GMDS: variants seen among roughly 807,000 people sequenced by gnomAD.
GMDS encodes GDP-mannose 4,6 dehydratase.
Under a neutral mutation model 49.9 loss-of-function variants are expected in GMDS, and 20 were observed. That is an observed-to-expected ratio of 0.40 (90% CI 0.28 to 0.58). GMDS has a LOEUF of 0.58. GMDS is among the 20% of genes least tolerant of loss of function. GMDS has a pLI of 0.42. For missense variants in GMDS, 362 were observed against 481.4 expected, an observed-to-expected ratio of 0.75 and a Z score of 2.32; for synonymous variants, 177 against 178.6, an observed-to-expected ratio of 0.99 and a Z score of 0.07.
At chr6:1,670,217 G>A (rs184909111) in intron 9 of GMDS, among the ~76,000 whole-genome samples, 3 of 152,162 alleles carry the variant, frequency 2.0e-5, no homozygotes, top group Non-Finnish European at 4.4e-5. Flanking sequence ...CCGGGACAAG[G>A]GGGTGAGAGG....
intron 9 of GMDS, among the ~76,000 whole-genome samples, chr6:1,714,209 G>T (rs115672353): frequency 6.6e-6 from 1 of 152,042 alleles, no homozygotes; most frequent in African/African-American, 2.4e-5. Context: ...TAGTACAGAC[G>T]GGATTTCACT....
At chr6:1,821,409 G>GGA (rs1332215272) in intron 7 of GMDS, among the ~76,000 whole-genome samples, 1 of 149,400 alleles carries the variant, frequency 6.7e-6, no homozygotes, top group Non-Finnish European at 1.5e-5. Flanking sequence ...GTGGGCTTTA[G>GGA]GGAGCAAACT....
chr6:1,753,724 G>A (rs139121696), intron 7 of GMDS, among the ~76,000 whole-genome samples: 4 of 152,198 alleles, frequency 2.6e-5, no homozygotes, highest in Non-Finnish European at 4.4e-5. Flanking sequence ...TCAGGATTAA[G>A]AAACGCACTC....
chr6:2,203,816 T>C (rs552720783), intron 1 of GMDS, among the ~76,000 whole-genome samples: 76 of 152,296 alleles, frequency 5.0e-4, no homozygotes, highest in African/African-American at 1.7e-3. Context: ...AGGTGAAACA[T>C]CATCGCAATA....
chr6:1,650,903 C>A (rs2113212174), intron 9 of GMDS, among the ~76,000 whole-genome samples: 1 of 152,298 alleles, frequency 6.6e-6, no homozygotes, highest in South Asian at 2.1e-4. Flanking sequence ...CATCCTCTGA[C>A]TCTTAAGATT....
chr6:1,988,866 CA>C (rs34424322), intron 4 of GMDS, among the ~76,000 whole-genome samples: 128 of 136,542 alleles, frequency 9.4e-4, no homozygotes, highest in Admixed American at 1.1e-3. Context: ...AGGTGAGAAC[CA>C]AAAAAAAAAA....
At chr6:1,669,225 G>A (rs1230529583) in intron 9 of GMDS, among the ~76,000 whole-genome samples, 1 of 152,210 alleles carries the variant, frequency 6.6e-6, no homozygotes. Context: ...ACAAGGGTTG[G>A]CTATCATAGT....
intron 9 of GMDS, among the ~76,000 whole-genome samples, chr6:1,701,529 C>A (rs1015307687): frequency 6.6e-6 from 1 of 151,664 alleles, no homozygotes; most frequent in African/African-American, 2.4e-5. Flanking sequence ...AGTGTTTGAG[C>A]TTAAAGGCAA....
intron 7 of GMDS, among the ~76,000 whole-genome samples, chr6:1,822,100 C>T (rs781080620): frequency 1.6e-4 from 24 of 152,170 alleles, no homozygotes; most frequent in South Asian, 8.3e-4. Context: ...AGGAAACAGA[C>T]GGCTATGACA....
intron 7 of GMDS, among the ~76,000 whole-genome samples, chr6:1,748,484 T>C (rs1164414972): frequency 6.6e-6 from 1 of 152,242 alleles, no homozygotes; most frequent in East Asian, 1.9e-4. Flanking sequence ...TTATATTTTG[T>C]TGGTAACATG....
intron 4 of GMDS, among the ~76,000 whole-genome samples, chr6:2,082,628 AAC>A (rs1772780971): frequency 6.6e-6 from 1 of 152,230 alleles, no homozygotes; most frequent in Admixed American, 6.5e-5. Flanking sequence ...GAGCATCTAA[AAC>A]AGTGTTTTTC....
At chr6:1,920,182 G>A (rs1048852535) in intron 7 of GMDS, among the ~76,000 whole-genome samples, 2 of 152,186 alleles carry the variant, frequency 1.3e-5, no homozygotes, top group African/African-American at 4.8e-5. Context: ...TGTGTCTTTG[G>A]ATACAAAGGC....
intron 1 of GMDS, among the ~76,000 whole-genome samples, chr6:2,208,257 G>A (rs893538454): frequency 7.2e-5 from 11 of 152,172 alleles, no homozygotes; most frequent in African/African-American, 2.7e-4. Flanking sequence ...TGCTGCTGGA[G>A]CAGTTTAGAT....
Position 1,975,644 on chromosome 6 carries a change from A to G in GMDS, c.346-14678T>C, listed in dbSNP as rs76546742. ...GGCTCTAATGTTTTTCCAGAAAAGT[A>G]GAAAGTCACATTAGGAATAGGAAAC... On this transcript the variant is annotated intron_variant, in intron 4 of 10. Coordinates refer to ENST00000380815, the MANE Select transcript of GMDS (RefSeq NM_001500.4). Among the ~76,000 whole-genome samples, 1,045 of 152,352 alleles carry G rather than the reference A, an allele frequency of 6.9e-3. 9 individuals carry two copies. The highest frequency in any genetic ancestry group is 0.024 in the African/African-American group (985 of 41,592).
At chr6:2,121,114 G>A (rs1775114364) in intron 2 of GMDS, among the ~76,000 whole-genome samples, 1 of 152,210 alleles carries the variant, frequency 6.6e-6, no homozygotes, top group African/African-American at 2.4e-5. Flanking sequence ...CACGGAGCCT[G>A]AAAGTGGCAG....
intron 6 of GMDS, among the ~76,000 whole-genome samples, chr6:1,957,297 G>A (rs886669375): frequency 1.3e-5 from 2 of 152,122 alleles, no homozygotes; most frequent in Non-Finnish European, 2.9e-5. Context: ...ATTAGGCATT[G>A]CCTGGAAGCT....
chr6:1,830,033 A>T lies in GMDS; in HGVS notation c.772-87447T>A, dbSNP rs558202535. Among the ~76,000 whole-genome samples the T allele has an allele frequency of 2.6e-5, 4 of 152,190 alleles. 1 individual carries two copies. The South Asian group carries it at 8.3e-4, about 32-fold the overall frequency. On this transcript the variant is annotated intron_variant, in intron 7 of 10. Coordinates refer to ENST00000380815, the MANE Select transcript of GMDS (RefSeq NM_001500.4). The stretch of plus-strand genomic sequence containing the variant: ...TTAACTTATCAGTCTCTTCTTCTAG[A>T]CTGCCGCTGTCCAATATGGTAGACA...
intron 4 of GMDS, among the ~76,000 whole-genome samples, chr6:2,014,943 C>A (rs867355343): frequency 7.2e-4 from 110 of 151,932 alleles, no homozygotes; most frequent in African/African-American, 2.5e-3. Flanking sequence ...TCAGAGAGAA[C>A]AAAGAAAATT....
intron 9 of GMDS, among the ~76,000 whole-genome samples, chr6:1,704,673 G>A (rs141283274): frequency 9.3e-4 from 141 of 152,304 alleles, no homozygotes; most frequent in South Asian, 2.3e-3. Context: ...TGTGTAATAC[G>A]TACGCGGTAA....
Sources: gnomAD v4.1 joint callset for allele counts (sites outside exome capture counted in the v4.1 genomes callset) on GRCh38, gnomAD v4.1.1 for gene constraint, MANE v1.5 for transcripts, NCBI Gene and HGNC (gene_info 2026-07-23, HGNC 2026-07-21) for gene names.